ZNHIT3: variants seen among roughly 807,000 people sequenced by gnomAD.
ZNHIT3 encodes the protein zinc finger HIT-type containing 3.
In ZNHIT3, 27 loss-of-function variants were observed where a neutral mutation model predicts 19.9. The observed-to-expected ratio is 1.36, with a 90% CI of 1.00 to 1.87. The LOEUF (loss-of-function observed/expected upper bound fraction) is 1.87. Ranked by LOEUF, ZNHIT3 falls within the 40% of genes most tolerant of loss-of-function variation. The probability of loss-of-function intolerance (pLI) is 0.00; values close to 1 mark genes in which losing one functional copy is unlikely to be tolerated. For missense variants in ZNHIT3, 215 were observed against 185.6 expected, an observed-to-expected ratio of 1.16 and a Z score of -0.92; for synonymous variants, 81 against 65.7, an observed-to-expected ratio of 1.23 and a Z score of -1.13.
chr17:36,487,493 A>C (rs2070600399), intron 2 of ZNHIT3, among the ~76,000 whole-genome samples: 1 of 152,242 alleles, frequency 6.6e-6, no homozygotes, highest in Non-Finnish European at 1.5e-5. Context: ...ACTTTTGTAC[A>C]GTTAAAAAGA....
chr17:36,496,684 G>A (rs1478706181), downstream of ZNHIT3, among the ~76,000 whole-genome samples: 1 of 152,166 alleles, frequency 6.6e-6, no homozygotes, highest in African/African-American at 2.4e-5. Context: ...AGGCCTGTGT[G>A]TTTTCATGGG....
chr17:36,486,919 G>T lies in ZNHIT3; in HGVS notation c.87-16G>T. ...ACCCTCGGGGCTGACGCGGCCTGTGGCCTCTGTTGTTACAGCTGCTCGGTA... is the reference window on the plus strand; with the variant it reads ...ACCCTCGGGGCTGACGCGGCCTGTGTCCTCTGTTGTTACAGCTGCTCGGTA... On this transcript the variant is annotated splice_polypyrimidine_tract_variant and intron_variant, in intron 1 of 4. Transcript: ENST00000617429. The T allele has an allele frequency of 6.2e-7, 1 of 1,607,626 alleles. No individual in the cohort carries two copies. Among genetic ancestry groups the T allele is most frequent in the Non-Finnish European group, 8.5e-7 (1 of 1,178,336 alleles).
intron 2 of ZNHIT3, among the ~76,000 whole-genome samples, chr17:36,487,410 C>A (rs941572247): frequency 2.0e-5 from 3 of 152,322 alleles, no homozygotes; most frequent in African/African-American, 7.2e-5. Flanking sequence ...AGTCCATGTA[C>A]AATACAAGGA....
chr17:36,488,760 A>G (rs1291079789), intron 2 of ZNHIT3, among the ~76,000 whole-genome samples: 1 of 152,218 alleles, frequency 6.6e-6, no homozygotes, highest in Non-Finnish European at 1.5e-5. Context: ...CCTGTATACA[A>G]TGTTTAAGGA....
intron 2 of ZNHIT3, 119 bp from the exon 3 acceptor site, chr17:36,492,694 C>A: frequency 1.2e-6 from 1 of 819,088 alleles, no homozygotes; most frequent in Non-Finnish European, 2.0e-6. Flanking sequence ...TTCCTGGGCA[C>A]CCACCCACAT....
At chr17:36,494,203 T>A (rs773136896) in intron 4 of ZNHIT3, among the ~76,000 whole-genome samples, 197 bp downstream of exon 4, 7 of 152,238 alleles carry the variant, frequency 4.6e-5, no homozygotes, top group Admixed American at 2.6e-4. Flanking sequence ...GGAATCCTGC[T>A]GGTCTTGTGG....
At chr17:36,494,433 C>G (rs541593142) in intron 4 of ZNHIT3, among the ~76,000 whole-genome samples, 3 of 152,350 alleles carry the variant, frequency 2.0e-5, no homozygotes, top group African/African-American at 7.2e-5. Context: ...ATCCCCAGTG[C>G]TCAGCTCACA....
At chr17:36,493,815 T>C (rs1277864806) in intron 3 of ZNHIT3, 111 bp from the exon 4 acceptor site, 1 of 741,874 alleles carries the variant, frequency 1.3e-6, no homozygotes, top group African/African-American at 1.7e-5. Flanking sequence ...AATACCCCTA[T>C]CACTATCACA....
downstream of ZNHIT3, among the ~76,000 whole-genome samples, chr17:36,497,440 CATTTG>C (rs2071090760): frequency 2.0e-5 from 3 of 152,094 alleles, no homozygotes; most frequent in Admixed American, 2.0e-4. Flanking sequence ...AATCCAGTGC[CATTTG>C]AGGTAACAAA....
At chr17:36,497,461 C>A, downstream of ZNHIT3, 1 of 881,726 alleles carries the variant, frequency 1.1e-6, no homozygotes, top group African/African-American at 1.8e-5. Flanking sequence ...ACAAACTCCT[C>A]ACAACCCAAG....
intron 2 of ZNHIT3, chr17:36,491,272 C>T (rs1176697154): frequency 2.0e-5 from 3 of 152,248 alleles, no homozygotes; most frequent in Non-Finnish European, 4.4e-5. Flanking sequence ...CCTGTTACAG[C>T]TTCTGAGGTC....
downstream of ZNHIT3, among the ~76,000 whole-genome samples, chr17:36,496,844 G>A (rs1434683428): frequency 2.0e-5 from 3 of 152,150 alleles, no homozygotes; most frequent in South Asian, 6.2e-4. Flanking sequence ...GAGAAAATGT[G>A]TCTTAGCCAA....
downstream of ZNHIT3, chr17:36,498,780 A>G (rs771112063): frequency 7.8e-5 from 47 of 601,436 alleles, no homozygotes; most frequent in South Asian, 2.5e-4. Context: ...TGAAAACAAG[A>G]TAAGAGTCCA....
downstream of ZNHIT3, chr17:36,496,348 T>A (rs749684764): frequency 1.2e-6 from 2 of 1,613,982 alleles, no homozygotes; most frequent in Non-Finnish European, 1.7e-6. Flanking sequence ...GGGTGAAGGT[T>A]CAGGGCAGAT....
intron 2 of ZNHIT3, among the ~76,000 whole-genome samples, chr17:36,488,818 T>C (rs2070654697): frequency 6.6e-6 from 1 of 152,250 alleles, no homozygotes; most frequent in African/African-American, 2.4e-5. Context: ...CATTTCTTCA[T>C]GTTGGGAACA....
intron 2 of ZNHIT3, among the ~76,000 whole-genome samples, chr17:36,488,543 T>TA (rs911244141): frequency 1.4e-4 from 21 of 151,466 alleles, no homozygotes; most frequent in African/African-American, 4.4e-4. Flanking sequence ...AGACTCCATC[T>TA]AAAAAAAAAT....
chr17:36,497,922 T>A (rs1377589490), downstream of ZNHIT3: 1 of 277,358 alleles, frequency 3.6e-6, no homozygotes, highest in Non-Finnish European at 6.8e-6. Flanking sequence ...TCCTGACTCA[T>A]CTAAAGCCTT....
At chr17:36,496,698 C>A (rs1192411160), downstream of ZNHIT3, among the ~76,000 whole-genome samples, 1 of 152,184 alleles carries the variant, frequency 6.6e-6, no homozygotes, top group Admixed American at 6.5e-5. Flanking sequence ...TCATGGGAGA[C>A]TTCATCCAGA....
intron 2 of ZNHIT3, 122 bp downstream of exon 2, chr17:36,487,088 G>T: frequency 7.3e-7 from 1 of 1,363,210 alleles, no homozygotes; most frequent in Non-Finnish European, 9.9e-7. Context: ...GTCTCCGCGG[G>T]TTCTGCAGGA....
Sources: gnomAD v4.1 joint callset for allele counts (sites outside exome capture counted in the v4.1 genomes callset) on GRCh38, gnomAD v4.1.1 for gene constraint, MANE v1.5 for transcripts, NCBI Gene and HGNC (gene_info 2026-07-23, HGNC 2026-07-21) for gene names.